CNTROB: variants seen among roughly 807,000 people sequenced by gnomAD.
CNTROB encodes centrobin.
CNTROB carries 82 observed loss-of-function variants against 115.7 expected under a neutral mutation model. That is an observed-to-expected ratio of 0.71 (90% CI 0.59 to 0.85). CNTROB has a LOEUF of 0.85. CNTROB is among the 40% of genes least tolerant of loss of function. CNTROB has a pLI of 0.00. For synonymous variants in CNTROB, 439 were observed against 456.4 expected (o/e 0.96, Z 0.49); for missense variants, 1,014 against 1,144.4 (o/e 0.89, Z 1.64).
At chr17:7,934,849 A>G (rs2151735719) in intron 3 of CNTROB, 140 bp from the exon 4 acceptor site, 4 of 929,584 alleles carry the variant, frequency 4.3e-6, no homozygotes, top group Non-Finnish European at 6.4e-6. Context: ...TTATAGCACT[A>G]TGGTTATATA....
intron 9 of CNTROB, among the ~76,000 whole-genome samples, chr17:7,942,683 CTG>C: frequency 6.7e-6 from 1 of 148,294 alleles, no homozygotes; most frequent in East Asian, 2.0e-4. Context: ...AGTTGAAGGA[CTG>C]TGGCTGAGAA....
intron 4 of CNTROB, 34 bp from the exon 5 acceptor site, chr17:7,936,331 TG>T (rs781135012): frequency 1.1e-6 from 1 of 882,212 alleles, no homozygotes; most frequent in Non-Finnish European, 2.0e-6. Context: ...ATACCAAAGA[TG>T]GGCAACACCC....
intron 18 of CNTROB, 84 bp from the exon 19 acceptor site, chr17:7,949,301 C>A: frequency 3.1e-6 from 5 of 1,597,684 alleles, no homozygotes; most frequent in Non-Finnish European, 4.3e-6. Context: ...TCATCTGGCC[C>A]TCTCCACGTG....
Position 7,937,242 on chromosome 17 carries a change from C to T in CNTROB, c.907C>T (p.Gln303Ter). The stretch of plus-strand genomic sequence containing the variant: ...TGAGCAGGAAAGTGCCAGACTGCAG[C>T]AACGGGAAAGAGAGACACTGGTGAG... ...NREQESARLQ[Q>*]RERETLEEER... Residue 303 changes from glutamine (Q) to a stop codon, truncating the protein, a stop_gained, in exon 7 of 19, where the codon CAA (glutamine) becomes TAA (stop). Transcript: ENST00000563694. LOFTEE classifies it high-confidence loss of function. 1 of 1,614,132 alleles carries T rather than the reference C, an allele frequency of 6.2e-7. No homozygotes were observed.
At position 7,943,456 on chromosome 17, in the gene CNTROB, G is replaced by T; in HGVS notation, c.1377G>T (p.Val459=). 2 of 1,614,072 alleles carry T rather than the reference G, an allele frequency of 1.2e-6. No individual in the cohort carries two copies. The highest frequency in any genetic ancestry group is 1.7e-6 in the Non-Finnish European group (2 of 1,179,936). The part of the protein sequence containing the change: ...SELAVQLEQR[V]TERLAQAQES... The stretch of plus-strand genomic sequence containing the variant: ...TGGCTGTGCAGCTGGAGCAGCGGGT[G>T]ACAGAGCGGCTGGCGCAGGCTCAGG... The change falls in exon 10 of 19, where the codon GTG becomes GTT. Residue 459 remains valine, a synonymous_variant. Coordinates refer to ENST00000563694, the MANE Select transcript of CNTROB (RefSeq NM_053051.5). The surrounding 1 kb of genome is among the most constrained non-coding windows in gnomAD (Gnocchi z 4.7).
Position 7,936,796 on chromosome 17 carries a change from C to T in CNTROB, c.807C>T (p.Leu269=), listed in dbSNP as rs368751901. The T allele has an allele frequency of 6.2e-6, 9 of 1,447,294 alleles. No individual in the cohort carries two copies. The highest frequency in any genetic ancestry group is 1.4e-5 in the African/African-American group (1 of 71,730). 89.7% of individuals were successfully genotyped at this position (1,447,294 alleles called of 1,614,324 possible). A position where few individuals can be genotyped will look rare whatever the true frequency, so the allele number is the denominator to read the frequency against. ...AAGAGGAACACCAGGCAGCAGAGCT[C>T]ACCAGAAGCAAGCAGCAGGAGGTGA... ...GLQEEHQAAE[L]TRSKQQETVT... The change falls in exon 6 of 19, where the codon CTC becomes CTT. Residue 269 remains leucine (L), a synonymous_variant. Coordinates refer to ENST00000563694, the MANE Select transcript of CNTROB (RefSeq NM_053051.5).
intron 9 of CNTROB, among the ~76,000 whole-genome samples, chr17:7,941,437 TA>T (rs1459162997): frequency 6.6e-6 from 1 of 150,982 alleles, no homozygotes; most frequent in African/African-American, 2.4e-5. Flanking sequence ...CTGTCTCTAC[TA>T]AAAATACAAA....
In CNTROB at chr17:7,939,507, C is replaced by T; in HGVS notation, c.928-6C>T. On this transcript the variant is annotated splice_region_variant and splice_polypyrimidine_tract_variant and intron_variant, in intron 7 of 18. Transcript: ENST00000563694. This position sits in a 1 kb window ranked among gnomAD's most constrained non-coding sequence, Gnocchi z 4.4. ...TAAGGAGCTTGGTTTTCTTCTGCGG[C>T]TGTAGGAGGAGGAAAGGCAAGCTCT... 6.2e-7 allele frequency: 1 copy of T among 1,613,166 alleles called. No individual in the cohort carries two copies. Among genetic ancestry groups the T allele is most frequent in the Non-Finnish European group, 8.5e-7 (1 of 1,179,230 alleles).
At chr17:7,949,217 A>T (rs984052441) in intron 18 of CNTROB, 60 bp downstream of exon 18, 3 of 1,567,440 alleles carry the variant, frequency 1.9e-6, no homozygotes, top group African/African-American at 2.7e-5. Context: ...CAGCTCCTTC[A>T]CCTCTGCACA....
chr17:7,949,163 G>A lies in CNTROB; in HGVS notation c.2586+6G>A. On this transcript the variant is annotated splice_donor_region_variant and intron_variant, in intron 18 of 18. Coordinates refer to ENST00000563694, the MANE Select transcript of CNTROB (RefSeq NM_053051.5). ...GTGAGATCCCCCGGAAAGAGGTGAG[G>A]GAAAGTCAGGCAGGGACCAGGGGAG... is the stretch of plus-strand genomic sequence containing the variant. 6.2e-7 allele frequency: 1 copy of A among 1,613,784 alleles called. No homozygotes were observed. Among genetic ancestry groups the A allele is most frequent in the East Asian group, 2.2e-5 (1 of 44,864 alleles).
Position 7,939,493 on chromosome 17 carries a change from G to T in CNTROB, c.928-20G>T, listed in dbSNP as rs778232253. On this transcript the variant is annotated intron_variant, in intron 7 of 18. Coordinates refer to ENST00000563694, the MANE Select transcript of CNTROB (RefSeq NM_053051.5). The surrounding 1 kb of genome is among the most constrained non-coding windows in gnomAD (Gnocchi z 4.4). ...TCTGAAGAGCCTACTAAGGAGCTTG[G>T]TTTTCTTCTGCGGCTGTAGGAGGAG... The T allele has an allele frequency of 1.2e-6, 2 of 1,610,780 alleles. No homozygotes were observed. The highest frequency in any genetic ancestry group is 1.7e-6 in the Non-Finnish European group (2 of 1,177,204).
chr17:7,948,989 C>G lies in CNTROB; in HGVS notation c.2514-96C>G. ...CAGGTCTATCGAGTTTGATCTTATT[C>G]TTAAGAGATAGAATTGGGGAGTAGT... On this transcript the variant is annotated intron_variant, in intron 17 of 18. Coordinates refer to ENST00000563694, the MANE Select transcript of CNTROB (RefSeq NM_053051.5). This position sits in a 1 kb window ranked among gnomAD's most constrained non-coding sequence, Gnocchi z 4.4. 6.2e-7 allele frequency: 1 copy of G among 1,604,996 alleles called. No individual in the cohort carries two copies. The highest frequency in any genetic ancestry group is 8.5e-7 in the Non-Finnish European group (1 of 1,174,662).
rs560758593 is a variant in CNTROB, at chr17:7,943,058, C to T, written c.1312-333C>T. ...CCTCGTGATCCGCCCGTCTCGGCCT[C>T]CCAAAGTGCTAGGATTACAGGCGTG... On this transcript the variant is annotated intron_variant, in intron 9 of 18. Coordinates refer to ENST00000563694, the MANE Select transcript of CNTROB (RefSeq NM_053051.5). The surrounding 1 kb of genome is among the most constrained non-coding windows in gnomAD (Gnocchi z 4.7). Among the ~76,000 whole-genome samples, 33 of 152,038 alleles carry T rather than the reference C, an allele frequency of 2.2e-4. No individual in the cohort carries two copies. The highest frequency in any genetic ancestry group is 6.8e-4 in the African/African-American group (28 of 41,470).
intron 9 of CNTROB, among the ~76,000 whole-genome samples, chr17:7,942,823 A>T (rs1974060715): frequency 2.8e-5 from 2 of 72,228 alleles, no homozygotes; most frequent in African/African-American, 6.0e-5. Flanking sequence ...TTTTTTTGAG[A>T]CGGAGTCTCG....
At chr17:7,947,816 C>A in intron 14 of CNTROB, 94 bp downstream of exon 14, 1 of 1,606,538 alleles carries the variant, frequency 6.2e-7, no homozygotes, top group Non-Finnish European at 8.5e-7. Context: ...GCCTCATTCC[C>A]TGTTTATGAC....
chr17:7,942,423 C>T (rs1973984256), intron 9 of CNTROB, among the ~76,000 whole-genome samples: 2 of 151,718 alleles, frequency 1.3e-5, no homozygotes, highest in African/African-American at 4.8e-5. Context: ...CGGTGAAACC[C>T]CGTCTCTACT....
rs1972669967 is a variant in CNTROB, at chr17:7,932,852, C to T, written c.-228C>T. On this transcript the variant is annotated 5_prime_UTR_variant, in exon 1 of 19. Coordinates refer to ENST00000563694, the MANE Select transcript of CNTROB (RefSeq NM_053051.5). ...GCGCTGCACCCTCTTAACGCTGTTCCCAGGAGCTGGGGAAAGGGATGCTTT... is the reference window on the plus strand; with the variant it reads ...GCGCTGCACCCTCTTAACGCTGTTCTCAGGAGCTGGGGAAAGGGATGCTTT... 3.5e-6 allele frequency: 2 copies of T among 570,754 alleles called. No individual in the cohort carries two copies. Among genetic ancestry groups the T allele is most frequent in the Admixed American group, 3.3e-5 (1 of 30,524 alleles). The allele number at this position is 570,754 out of a possible 1,614,324, so 35.4% of individuals were successfully genotyped here. A position where few individuals can be genotyped will look rare whatever the true frequency, so the allele number is the denominator to read the frequency against.
In CNTROB at chr17:7,943,694, G is replaced by C; in HGVS notation, c.1445+170G>C. On this transcript the variant is annotated intron_variant, in intron 10 of 18. Transcript: ENST00000563694. This position sits in a 1 kb window ranked among gnomAD's most constrained non-coding sequence, Gnocchi z 4.7. ...TCTCTCGGGAGGGCTGCCTTCACGCGTTCATGGAGAGCCAGAAGTGCCTGG... is the reference window on the plus strand; with the variant it reads ...TCTCTCGGGAGGGCTGCCTTCACGCCTTCATGGAGAGCCAGAAGTGCCTGG... 2 of 679,834 alleles carry C rather than the reference G, an allele frequency of 2.9e-6. No individual in the cohort carries two copies. Among genetic ancestry groups the C allele is most frequent in the South Asian group, 4.4e-5 (2 of 45,828 alleles). The allele number at this position is 679,834 out of a possible 1,614,324, so 42.1% of individuals were successfully genotyped here.
At chr17:7,949,204 G>A in intron 18 of CNTROB, 47 bp downstream of exon 18, 4 of 1,591,774 alleles carry the variant, frequency 2.5e-6, no homozygotes, top group Non-Finnish European at 1.7e-6. Context: ...GGCTCTCACT[G>A]ACCAGCTCCT....
Sources: gnomAD v4.1 joint callset for allele counts (sites outside exome capture counted in the v4.1 genomes callset) on GRCh38, gnomAD v4.1.1 for gene constraint, Gnocchi (gnomAD v3.1) non-coding constraint, MANE v1.5 for transcripts, NCBI Gene and HGNC (gene_info 2026-07-23, HGNC 2026-07-21) for gene names.